Variants in SLC24A3 observed in about 807,000 individuals in gnomAD.
The protein encoded by SLC24A3 is solute carrier family 24 member 3.
In SLC24A3, 28 loss-of-function variants were observed where a neutral mutation model predicts 75.8. That is an observed-to-expected ratio of 0.37 (90% CI 0.27 to 0.51). The LOEUF (loss-of-function observed/expected upper bound fraction) is 0.51, where lower values mean the gene tolerates loss of function less well. Among genes scored for constraint, SLC24A3 ranks in the 20% least tolerant of loss-of-function variants. The pLI, the probability that SLC24A3 is intolerant of heterozygous loss-of-function variation, is 0.94. For synonymous variants in SLC24A3, 372 were observed against 334.1 expected, an observed-to-expected ratio of 1.11 and a Z score of -1.24; for missense variants, 663 against 847.8, an observed-to-expected ratio of 0.78 and a Z score of 2.71.
At chr20:19,584,548 C>T (rs889148676) in intron 4 of SLC24A3, among the ~76,000 whole-genome samples, 1 of 152,168 alleles carries the variant, frequency 6.6e-6, no homozygotes, top group Non-Finnish European at 1.5e-5. Context: ...CAATGCTGCC[C>T]ATAGAAAGAG....
chr20:19,480,600 A>G (rs1274488800), intron 2 of SLC24A3, among the ~76,000 whole-genome samples: 1 of 152,162 alleles, frequency 6.6e-6, no homozygotes, highest in African/African-American at 2.4e-5. Context: ...CCCTTGTCTG[A>G]CAACTAGCCC....
At chr20:19,245,192 G>T (rs62201127) in intron 1 of SLC24A3, among the ~76,000 whole-genome samples, 32,899 of 151,988 alleles carry the variant, frequency 0.22, 3,767 homozygotes, top group South Asian at 0.3. Context: ...AGTGGGTTTG[G>T]AGTTCTTTAC....
intron 3 of SLC24A3, among the ~76,000 whole-genome samples, chr20:19,569,647 G>A (rs1297391123): frequency 6.6e-6 from 1 of 152,146 alleles, no homozygotes; most frequent in African/African-American, 2.4e-5. Flanking sequence ...GAGGGCAGGA[G>A]GAGTGAGAGG....
chr20:19,448,943 A>C (rs1254591933), intron 2 of SLC24A3, among the ~76,000 whole-genome samples: 3 of 152,218 alleles, frequency 2.0e-5, no homozygotes, highest in African/African-American at 7.2e-5. Context: ...GTGGGCAGGG[A>C]AAGTGCAACT....
chr20:19,571,998 G>A (rs2031059161), intron 3 of SLC24A3, among the ~76,000 whole-genome samples: 1 of 152,170 alleles, frequency 6.6e-6, no homozygotes, highest in Non-Finnish European at 1.5e-5. Context: ...AACATCAGTA[G>A]GGGAATAGAA....
At chr20:19,230,521 C>A (rs1981990143) in intron 1 of SLC24A3, among the ~76,000 whole-genome samples, 1 of 152,076 alleles carries the variant, frequency 6.6e-6, no homozygotes, top group Admixed American at 6.5e-5. Flanking sequence ...TTCTATTAAT[C>A]TCCAGAAGGC....
At chr20:19,394,588 G>T (rs2122393953) in intron 2 of SLC24A3, among the ~76,000 whole-genome samples, 1 of 152,228 alleles carries the variant, frequency 6.6e-6, no homozygotes, top group African/African-American at 2.4e-5. Context: ...ATGTACAAGT[G>T]GCCGACAAGT....
intron 9 of SLC24A3, among the ~76,000 whole-genome samples, chr20:19,678,285 C>T (rs1477863908): frequency 3.6e-5 from 5 of 137,922 alleles, no homozygotes; most frequent in Admixed American, 1.4e-4. Flanking sequence ...TAGGGGCGGC[C>T]GGGCAGAGGC....
intron 9 of SLC24A3, among the ~76,000 whole-genome samples, chr20:19,681,339 T>C (rs1226344502): frequency 6.6e-6 from 1 of 152,160 alleles, no homozygotes; most frequent in Non-Finnish European, 1.5e-5. Flanking sequence ...ACCAAAGCCA[T>C]ACAGAGACCT....
intron 3 of SLC24A3, among the ~76,000 whole-genome samples, chr20:19,557,342 A>C (rs1323193763): frequency 6.6e-6 from 1 of 152,136 alleles, no homozygotes. Context: ...ACTCTTCCCA[A>C]CTTTGACATC....
chr20:19,484,289 T>C (rs937868354), intron 2 of SLC24A3, among the ~76,000 whole-genome samples: 1 of 152,206 alleles, frequency 6.6e-6, no homozygotes, highest in Non-Finnish European at 1.5e-5. Context: ...ACACGTAGCC[T>C]AAAGGTTATT....
intron 2 of SLC24A3, among the ~76,000 whole-genome samples, chr20:19,375,712 C>T (rs1013939072): frequency 6.6e-6 from 1 of 152,188 alleles, no homozygotes; most frequent in Admixed American, 6.5e-5. Context: ...AGGGGCCAGG[C>T]GCCCAGCCCT....
At chr20:19,292,098 C>A (rs887597282) in intron 2 of SLC24A3, among the ~76,000 whole-genome samples, 4 of 152,172 alleles carry the variant, frequency 2.6e-5, no homozygotes, top group African/African-American at 9.7e-5. Flanking sequence ...GGCTGTGGGA[C>A]CCTGGACCAG....
intron 2 of SLC24A3, among the ~76,000 whole-genome samples, chr20:19,452,919 C>T (rs892418031): frequency 5.3e-5 from 8 of 152,124 alleles, no homozygotes; most frequent in East Asian, 1.9e-4. Context: ...CGCGGTGGCT[C>T]ACGCCTATAA....
Position 19,654,063 on chromosome 20 carries a change from T to C in SLC24A3, c.614T>C (p.Val205Ala). 6.2e-7 allele frequency: 1 copy of C among 1,612,400 alleles called. No homozygotes were observed. Among genetic ancestry groups the C allele is most frequent in the South Asian group, 1.1e-5 (1 of 91,042 alleles). ...GACTTTGTTTCCCTTGTCCTGCAGGTTGTGGCTCTTTCCTCCTGGTGCCTG... is the reference window on the plus strand; with the variant it reads ...GACTTTGTTTCCCTTGTCCTGCAGGCTGTGGCTCTTTCCTCCTGGTGCCTG... ...IGVCGLFAGQ[V>A]VALSSWCLLR... Residue 205 changes from valine (V) to alanine (A), a missense_variant and splice_region_variant, in exon 7 of 17, where the codon GTT (valine) becomes GCT (alanine). This residue lies in a region of SLC24A3 where 510 missense variants were observed against 703.6 expected (regional missense o/e 0.72). Coordinates refer to ENST00000328041, the MANE Select transcript of SLC24A3 (RefSeq NM_020689.4).
At chr20:19,674,448 CTT>C (rs2032501731) in intron 9 of SLC24A3, among the ~76,000 whole-genome samples, 1 of 152,200 alleles carries the variant, frequency 6.6e-6, no homozygotes, top group Non-Finnish European at 1.5e-5. Context: ...GATGCTGGCT[CTT>C]GACTGGCGGG....
chr20:19,374,562 A>G (rs1986047916), intron 2 of SLC24A3, among the ~76,000 whole-genome samples: 2 of 152,146 alleles, frequency 1.3e-5, no homozygotes. Flanking sequence ...CTGTGAGTTT[A>G]TGGTTTAACA....
At chr20:19,467,708 C>G (rs1283911849) in intron 2 of SLC24A3, among the ~76,000 whole-genome samples, 1 of 152,028 alleles carries the variant, frequency 6.6e-6, no homozygotes, top group Non-Finnish European at 1.5e-5. Flanking sequence ...TGGTGAAACC[C>G]CATCTCCACT....
intron 6 of SLC24A3, among the ~76,000 whole-genome samples, chr20:19,626,547 T>C (rs1188057663): frequency 1.3e-5 from 2 of 152,256 alleles, no homozygotes; most frequent in African/African-American, 4.8e-5. Context: ...TTCTTGGTCC[T>C]ATTCTCCTGG....
Sources: gnomAD v4.1 joint callset for allele counts (sites outside exome capture counted in the v4.1 genomes callset) on GRCh38, gnomAD v4.1.1 for gene constraint, gnomAD v4.1.1 regional missense constraint, MANE v1.5 for transcripts, NCBI Gene and HGNC (gene_info 2026-07-23, HGNC 2026-07-21) for gene names.